The following GABRG2 variants were observed in gnomAD, a reference collection of about 807,000 sequenced individuals.
GABRG2 encodes the protein gamma-aminobutyric acid receptor subunit gamma-2.
Under a neutral mutation model 56.4 loss-of-function variants are expected in GABRG2, and 16 were observed. The ratio of observed to expected loss-of-function variants is 0.28; its 90% CI spans 0.19 to 0.43. The LOEUF is 0.43. GABRG2 is among the 20% of genes least tolerant of loss of function. The probability of loss-of-function intolerance (pLI) is 1.00; values close to 1 mark genes in which losing one functional copy is unlikely to be tolerated. For synonymous variants in GABRG2, 208 were observed against 205.5 expected (o/e 1.01, Z -0.10); for missense variants, 327 against 582.7 (o/e 0.56, Z 4.52).
At chr5:162,076,222 G>A (rs1037458237) in intron 1 of GABRG2, among the ~76,000 whole-genome samples, 1 of 152,006 alleles carries the variant, frequency 6.6e-6, no homozygotes, top group East Asian at 1.9e-4. Flanking sequence ...CATATTAAGG[G>A]GCACATAGTT....
At chr5:162,101,947 C>G (rs1450407240) in intron 5 of GABRG2, 1 of 154,898 alleles carries the variant, frequency 6.5e-6, no homozygotes, top group Non-Finnish European at 1.4e-5. Context: ...AAAACATTTT[C>G]CTTACTATTT....
chr5:162,085,115 A>G (rs982855945), intron 1 of GABRG2, among the ~76,000 whole-genome samples: 5 of 151,926 alleles, frequency 3.3e-5, no homozygotes, highest in African/African-American at 1.2e-4. Context: ...GTATGTAGTG[A>G]TATTTCACAA....
At chr5:162,085,399 A>G (rs776861343) in intron 1 of GABRG2, among the ~76,000 whole-genome samples, 1 of 151,956 alleles carries the variant, frequency 6.6e-6, no homozygotes, top group South Asian at 2.1e-4. Flanking sequence ...TTCCAGTTTA[A>G]TAATCATTTG....
chr5:162,077,059 T>C (rs894771493), intron 1 of GABRG2, among the ~76,000 whole-genome samples: 1 of 142,618 alleles, frequency 7.0e-6, no homozygotes. Flanking sequence ...TATGCAGTAT[T>C]ATAACAACTA....
chr5:162,102,869 G>C (rs1348467906), intron 5 of GABRG2: 1 of 183,628 alleles, frequency 5.4e-6, no homozygotes, highest in Non-Finnish European at 1.2e-5. Flanking sequence ...ACATATAATA[G>C]ATAAAGCTGC....
At chr5:162,085,264 G>A (rs1163817638) in intron 1 of GABRG2, among the ~76,000 whole-genome samples, 2 of 151,950 alleles carry the variant, frequency 1.3e-5, no homozygotes, top group Non-Finnish European at 1.5e-5. Flanking sequence ...ATATTAAGTG[G>A]AACGAGGTCA....
chr5:162,105,447 T>TTTTTTTTTTTA (rs397999750), intron 6 of GABRG2, among the ~76,000 whole-genome samples: 2 of 147,022 alleles, frequency 1.4e-5, no homozygotes, highest in Admixed American at 1.4e-4. Context: ...TTTTTTTTTT[T>TTTTTTTTTTTA]GAGAAGGAGT....
chr5:162,131,810 T>A (rs1227106153), intron 6 of GABRG2, among the ~76,000 whole-genome samples: 1 of 151,942 alleles, frequency 6.6e-6, no homozygotes, highest in African/African-American at 2.4e-5. Context: ...GCTGTTAACT[T>A]GTTAGAATTA....
At chr5:162,106,253 A>C (rs1343878134) in intron 6 of GABRG2, among the ~76,000 whole-genome samples, 3 of 152,196 alleles carry the variant, frequency 2.0e-5, no homozygotes, top group Non-Finnish European at 4.4e-5. Flanking sequence ...TACATTTCAC[A>C]CTGAGTACCA....
chr5:162,144,082 G>A (rs187691699), intron 7 of GABRG2, among the ~76,000 whole-genome samples: 2 of 152,192 alleles, frequency 1.3e-5, no homozygotes, highest in Admixed American at 6.5e-5. Flanking sequence ...CAAATATGTT[G>A]AGCCTATTAC....
chr5:162,084,888 T>C lies in GABRG2; in HGVS notation c.108-8940T>C, dbSNP rs374446139. Among the ~76,000 whole-genome samples, 3 of 152,012 alleles carry C rather than the reference T, an allele frequency of 2.0e-5. No individual in the cohort carries two copies. The South Asian group carries it at 6.2e-4, about 31-fold the overall frequency. On this transcript the variant is annotated intron_variant, in intron 1 of 9. Transcript: ENST00000639213. ...AGTGAAGGAGAGGAAGCCTTCTTTA[T>C]TACACTGACTTTGTCACCATGTTAT...
At chr5:162,100,387 A>G (rs951711213) in intron 4 of GABRG2, 1 of 152,194 alleles carries the variant, frequency 6.6e-6, no homozygotes, top group African/African-American at 2.4e-5. Context: ...TGTAAGAGAT[A>G]TAGCTAAAAA....
chr5:162,096,527 G>A (rs569070904), intron 3 of GABRG2, among the ~76,000 whole-genome samples: 3 of 152,098 alleles, frequency 2.0e-5, no homozygotes, highest in South Asian at 2.1e-4. Flanking sequence ...ATCACTAATT[G>A]GTTGACAAAG....
At chr5:162,068,895 T>A (rs2113090226) in intron 1 of GABRG2, among the ~76,000 whole-genome samples, 1 of 152,236 alleles carries the variant, frequency 6.6e-6, no homozygotes, top group East Asian at 1.9e-4. Context: ...AGAACGTAGT[T>A]AAATGATTGC....
In GABRG2 at chr5:162,153,255, C is replaced by T; in HGVS notation, c.1315C>T (p.His439Tyr). ...AGATTGTCGAACAGGAGCTTGGAGA[C>T]ATGGGAGGATACATATCCGCATTGC... ...FEDCRTGAWR[H>Y]GRIHIRIAKM... The change falls in exon 10 of 10, where the codon CAT becomes TAT. Residue 439 changes from histidine (H) to tyrosine (Y), a missense_variant. Transcript: ENST00000639213. The T allele has an allele frequency of 6.2e-7, 1 of 1,614,074 alleles. No homozygotes were observed. The highest frequency in any genetic ancestry group is 8.5e-7 in the Non-Finnish European group (1 of 1,179,980).
chr5:162,132,392 C>A lies in GABRG2; in HGVS notation c.770-9772C>A, dbSNP rs190567632. On this transcript the variant is annotated intron_variant, in intron 6 of 9. Transcript: ENST00000639213. ...ATTTTTCTGTTGAGAATTCTTTGTT[C>A]TTTCAACACATCACAAATAGAATTT... Among the ~76,000 whole-genome samples the A allele has an allele frequency of 1.5e-3, 233 of 152,036 alleles. 2 individuals are homozygous for A. Among genetic ancestry groups the A allele is most frequent in the Non-Finnish European group, 6.3e-4 (43 of 67,896 alleles).
chr5:162,147,489 C>T (rs549978829), intron 7 of GABRG2, among the ~76,000 whole-genome samples: 2 of 152,068 alleles, frequency 1.3e-5, no homozygotes, highest in South Asian at 2.1e-4. Flanking sequence ...CTCAGCCCCT[C>T]GAGTAGCTGG....
At position 162,072,731 on chromosome 5, in the gene GABRG2, G is replaced by T. The variant is rs76334231; in HGVS notation, c.107+4625G>T. On this transcript the variant is annotated intron_variant, in intron 1 of 9. Transcript: ENST00000639213. Reference sequence around the variant, plus strand: ...CACACATACACAGACACAATCCTGTGACTCCGCAAAGTATTTATCATCAAC... The same window carrying T: ...CACACATACACAGACACAATCCTGTTACTCCGCAAAGTATTTATCATCAAC... 6.8e-4 allele frequency among the ~76,000 whole-genome samples: 104 copies of T among 151,904 alleles called. 1 individual carries two copies. In the East Asian group the frequency reaches 0.018, roughly 27 times the overall value.
chr5:162,144,836 T>C (rs902264925), intron 7 of GABRG2, among the ~76,000 whole-genome samples: 2 of 152,180 alleles, frequency 1.3e-5, no homozygotes, highest in African/African-American at 4.8e-5. Flanking sequence ...TCTAGATCAG[T>C]GCTCCTTAAA....
Sources: allele counts gnomAD v4.1 joint callset (sites outside exome capture counted in the v4.1 genomes callset), GRCh38; gene constraint gnomAD v4.1.1; transcripts MANE v1.5; gene names NCBI Gene and HGNC (gene_info 2026-07-23, HGNC 2026-07-21).